Variants in OSBPL9 observed in about 807,000 individuals in gnomAD.
OSBPL9 encodes oxysterol-binding protein-related protein 9.
A neutral mutation model predicts 106.6 loss-of-function variants in OSBPL9; 40 were observed. The ratio of observed to expected loss-of-function variants is 0.38; its 90% CI spans 0.29 to 0.49. The LOEUF is 0.49. OSBPL9 is among the 20% of genes least tolerant of loss of function. The pLI, the probability that OSBPL9 is intolerant of heterozygous loss-of-function variation, is 0.97. For missense variants in OSBPL9, 609 were observed against 887.2 expected (o/e 0.69, Z 3.98); for synonymous variants, 269 against 295.4 (o/e 0.91, Z 0.92).
the OSBPL9 span, among the ~76,000 whole-genome samples, chr1:51,560,603 C>A: frequency 7.7e-3 from 1,177 of 152,262 alleles, 14 homozygotes; most frequent in African/African-American, 0.027. Context: ...TACTCTGGGG[C>A]CTTGAGCCAC....
chr1:51,633,741 C>T (rs1347583337), intron 1 of OSBPL9, among the ~76,000 whole-genome samples: 2 of 152,106 alleles, frequency 1.3e-5, no homozygotes, highest in Non-Finnish European at 2.9e-5. Flanking sequence ...CTTACTTAAG[C>T]CTTCAGAGTA....
chr1:51,746,761 A>T lies in OSBPL9; in HGVS notation c.462+4A>T. The T allele has an allele frequency of 6.2e-7, 1 of 1,603,120 alleles. No homozygotes were observed. The highest frequency in any genetic ancestry group is 1.1e-5 in the South Asian group (1 of 88,748). On this transcript the variant is annotated splice_donor_region_variant and intron_variant, in intron 6 of 23. Coordinates refer to ENST00000428468, the MANE Select transcript of OSBPL9 (RefSeq NM_024586.6). ...CAAAGAAGATGAACAGAGAAAGGTA[A>T]CTTCCATAACCGTGCTTTTGACGTT...
chr1:51,721,874 T>C (rs1317515842), intron 4 of OSBPL9, among the ~76,000 whole-genome samples: 1 of 152,264 alleles, frequency 6.6e-6, no homozygotes, highest in South Asian at 2.1e-4. Flanking sequence ...AAATAGTGCA[T>C]GCTCAATTTG....
chr1:51,590,636 GAAA>G (rs1002982692), intron 1 of OSBPL9, among the ~76,000 whole-genome samples: 12 of 139,994 alleles, frequency 8.6e-5, no homozygotes, highest in African/African-American at 2.4e-4. Context: ...AAAAAAAAAA[GAAA>G]AAAAAGAAAA....
At chr1:51,594,546 C>G (rs1645291055) in intron 1 of OSBPL9, among the ~76,000 whole-genome samples, 1 of 152,218 alleles carries the variant, frequency 6.6e-6, no homozygotes, top group Non-Finnish European at 1.5e-5. Context: ...CAAACGTTTA[C>G]TGCATGCCAA....
intron 4 of OSBPL9, among the ~76,000 whole-genome samples, chr1:51,723,117 G>A (rs1196906725): frequency 6.6e-6 from 1 of 152,194 alleles, no homozygotes; most frequent in Non-Finnish European, 1.5e-5. Flanking sequence ...CCACCAGAGT[G>A]GTTTGTTACA....
intron 1 of OSBPL9, among the ~76,000 whole-genome samples, chr1:51,637,609 TAAC>T (rs1385133939): frequency 6.6e-6 from 1 of 152,238 alleles, no homozygotes; most frequent in Non-Finnish European, 1.5e-5. Context: ...CAGTAAATGA[TAAC>T]AAAAAGCTAA....
chr1:51,538,012 T>G, the OSBPL9 span, among the ~76,000 whole-genome samples: 3 of 151,976 alleles, frequency 2.0e-5, no homozygotes, highest in Non-Finnish European at 4.4e-5. Flanking sequence ...TGATATAGGC[T>G]GGGCATGGTG....
At chr1:51,728,035 A>G (rs1400383467) in intron 4 of OSBPL9, among the ~76,000 whole-genome samples, 1 of 152,186 alleles carries the variant, frequency 6.6e-6, no homozygotes, top group African/African-American at 2.4e-5. Flanking sequence ...AAATAACAGC[A>G]TGCGCCAAGG....
intron 1 of OSBPL9, among the ~76,000 whole-genome samples, chr1:51,586,364 A>C (rs993577673): frequency 6.6e-6 from 1 of 152,096 alleles, no homozygotes. Flanking sequence ...AAATTTTTCA[A>C]GACATTAGGT....
intron 14 of OSBPL9, among the ~76,000 whole-genome samples, chr1:51,775,662 G>A (rs113581759): frequency 3.9e-5 from 6 of 152,230 alleles, no homozygotes; most frequent in African/African-American, 9.6e-5. Flanking sequence ...CCAGGCTGGA[G>A]TATAGTGGTG....
intron 4 of OSBPL9, among the ~76,000 whole-genome samples, chr1:51,715,571 A>G (rs1157984556): frequency 6.6e-6 from 1 of 152,028 alleles, no homozygotes; most frequent in South Asian, 2.1e-4. Context: ...CAGCCACCAC[A>G]CCTGGCCTAA....
At chr1:51,754,763 A>G (rs904260446) in intron 8 of OSBPL9, among the ~76,000 whole-genome samples, 1 of 152,206 alleles carries the variant, frequency 6.6e-6, no homozygotes. Context: ...AAATTTACTA[A>G]TGAGATAGTT....
chr1:51,613,753 T>G (rs567483976), upstream of OSBPL9, among the ~76,000 whole-genome samples: 18 of 151,894 alleles, frequency 1.2e-4, no homozygotes, highest in Non-Finnish European at 2.2e-4. Flanking sequence ...TTTTTTTTTT[T>G]TGAGACAGGG....
upstream of OSBPL9, among the ~76,000 whole-genome samples, chr1:51,573,600 G>A (rs1343884342): frequency 6.7e-6 from 1 of 149,904 alleles, no homozygotes; most frequent in Non-Finnish European, 1.5e-5. Flanking sequence ...CAGATCACAA[G>A]GTCAAGAGAT....
chr1:51,752,604 G>T, intron 8 of OSBPL9: 4 of 453,400 alleles, frequency 8.8e-6, no homozygotes, highest in South Asian at 6.2e-5. Context: ...AAGAACAGAA[G>T]TTTATTTTCT....
chr1:51,553,657 C>T, the OSBPL9 span, among the ~76,000 whole-genome samples: 1 of 151,994 alleles, frequency 6.6e-6, no homozygotes, highest in African/African-American at 2.4e-5. Context: ...GCCTGGGCAA[C>T]ATAGCAAGAT....
Position 51,781,241 on chromosome 1 carries a change from G to A in OSBPL9, c.1334G>A (p.Arg445Lys), listed in dbSNP as rs1329233020. The A allele has an allele frequency of 6.2e-7, 1 of 1,614,004 alleles. No individual in the cohort carries two copies. The highest frequency in any genetic ancestry group is 8.5e-7 in the Non-Finnish European group (1 of 1,179,878). Reference protein sequence around the residue: ...KWYLSAFHAGRKGSVAKKPYN... With the variant: ...KWYLSAFHAGKKGSVAKKPYN... Reference sequence around the variant, plus strand: ...TACCTCTCAGCCTTTCATGCGGGAAGGAAAGGATCAGTTGCCAAAAAGCCA... The same window carrying A: ...TACCTCTCAGCCTTTCATGCGGGAAAGAAAGGATCAGTTGCCAAAAAGCCA... Residue 445 changes from arginine (R) to lysine (K), a missense_variant, in exon 16 of 24, where the codon AGG becomes AAG. Arg to Lys is a conservative substitution (Grantham distance 26). Coordinates refer to ENST00000428468, the MANE Select transcript of OSBPL9 (RefSeq NM_024586.6).
At chr1:51,589,254 A>T (rs566131668) in intron 1 of OSBPL9, among the ~76,000 whole-genome samples, 1 of 152,142 alleles carries the variant, frequency 6.6e-6, no homozygotes, top group South Asian at 2.1e-4. Flanking sequence ...ATGCACAGCT[A>T]ATTTTTGTAT....
Sources: gnomAD v4.1 joint callset for allele counts (sites outside exome capture counted in the v4.1 genomes callset) on GRCh38, gnomAD v4.1.1 for gene constraint, MANE v1.5 for transcripts, NCBI Gene and HGNC (gene_info 2026-07-23, HGNC 2026-07-21) for gene names.